NFIA: variants seen among roughly 807,000 people sequenced by gnomAD.
The protein encoded by NFIA is nuclear factor I A, also known as nuclear factor 1 A-type.
Under a neutral mutation model 62.8 loss-of-function variants are expected in NFIA, and 8 were observed. That is an observed-to-expected ratio of 0.13 (90% CI 0.07 to 0.23). NFIA has a LOEUF of 0.23. Among genes scored for constraint, NFIA ranks in the 10% least tolerant of loss-of-function variants. NFIA has a pLI of 1.00. For missense variants in NFIA, 410 were observed against 642.1 expected (o/e 0.64, Z 3.91); for synonymous variants, 235 against 238.1 (o/e 0.99, Z 0.12).
At chr1:61,142,994 C>A (rs147367083) in intron 2 of NFIA, among the ~76,000 whole-genome samples, 1 of 152,174 alleles carries the variant, frequency 6.6e-6, no homozygotes, top group Non-Finnish European at 1.5e-5. Flanking sequence ...CAACTCTCTT[C>A]GTGTCTCCTC....
At chr1:61,349,233 T>C (rs1662417649) in intron 4 of NFIA, among the ~76,000 whole-genome samples, 1 of 152,052 alleles carries the variant, frequency 6.6e-6, no homozygotes. Context: ...GCCTCACCGT[T>C]TTTTTTTAAA....
At chr1:61,320,713 GGAT>G (rs1660637401) in intron 3 of NFIA, among the ~76,000 whole-genome samples, 2 of 152,168 alleles carry the variant, frequency 1.3e-5, no homozygotes, top group South Asian at 4.2e-4. Context: ...TTAGCAAGCA[GGAT>G]TCTCTGTAAA....
intron 4 of NFIA, among the ~76,000 whole-genome samples, chr1:61,332,952 A>G (rs11801720): frequency 0.045 from 6,897 of 152,080 alleles, 536 homozygotes; most frequent in African/African-American, 0.16. Context: ...ATAATCACTA[A>G]CAGTGAATGA....
At chr1:61,133,923 G>A (rs1647127920) in intron 2 of NFIA, among the ~76,000 whole-genome samples, 1 of 152,000 alleles carries the variant, frequency 6.6e-6, no homozygotes, top group Non-Finnish European at 1.5e-5. Context: ...GGTGGATCCA[G>A]ACCAGCCTGG....
At chr1:61,176,950 A>T (rs566774196) in intron 2 of NFIA, among the ~76,000 whole-genome samples, 1 of 151,936 alleles carries the variant, frequency 6.6e-6, no homozygotes. Flanking sequence ...TAAAAGTACA[A>T]AAAAAATTAG....
chr1:61,312,855 A>G (rs1660189028), intron 3 of NFIA, among the ~76,000 whole-genome samples: 1 of 151,978 alleles, frequency 6.6e-6, no homozygotes, highest in African/African-American at 2.4e-5. Flanking sequence ...TCTATTCAGA[A>G]TCTCATTAGA....
intron 2 of NFIA, among the ~76,000 whole-genome samples, chr1:61,175,105 T>C (rs545108818): frequency 1.3e-5 from 2 of 148,278 alleles, no homozygotes; most frequent in East Asian, 4.0e-4. Context: ...TATTCAGCAT[T>C]GACACTTAAA....
chr1:61,357,648 C>T (rs1287795206), intron 5 of NFIA, among the ~76,000 whole-genome samples: 1 of 152,126 alleles, frequency 6.6e-6, no homozygotes, highest in Non-Finnish European at 1.5e-5. Flanking sequence ...GTGGTTCCAT[C>T]ATAACTCCTA....
intron 2 of NFIA, among the ~76,000 whole-genome samples, chr1:61,109,325 A>G (rs529316239): frequency 4.2e-4 from 64 of 152,040 alleles, no homozygotes; most frequent in African/African-American, 1.4e-3. Context: ...CCATCTCTAC[A>G]GATGGCAAAT....
chr1:61,173,631 C>G (rs1352184862), intron 2 of NFIA, among the ~76,000 whole-genome samples: 1 of 152,136 alleles, frequency 6.6e-6, no homozygotes, highest in Non-Finnish European at 1.5e-5. Context: ...CTCAAGTGAT[C>G]CACCTGCCTC....
intron 2 of NFIA, among the ~76,000 whole-genome samples, chr1:61,255,982 T>A (rs1656367107): frequency 6.6e-6 from 1 of 152,210 alleles, no homozygotes; most frequent in Non-Finnish European, 1.5e-5. Flanking sequence ...TTTCTAGCTC[T>A]GTAAATACCT....
At chr1:61,217,421 A>G (rs984951677) in intron 2 of NFIA, among the ~76,000 whole-genome samples, 1 of 152,144 alleles carries the variant, frequency 6.6e-6, no homozygotes, top group Non-Finnish European at 1.5e-5. Flanking sequence ...AATGTACATA[A>G]TTATGCCCAG....
chr1:61,184,174 A>G (rs1011571354), intron 2 of NFIA, among the ~76,000 whole-genome samples: 4 of 151,938 alleles, frequency 2.6e-5, no homozygotes, highest in Admixed American at 6.6e-5. Flanking sequence ...AAAAAACAAA[A>G]AACTTCAGAG....
chr1:61,417,766 G>T (rs974046341), intron 9 of NFIA, among the ~76,000 whole-genome samples: 1 of 152,118 alleles, frequency 6.6e-6, no homozygotes, highest in Non-Finnish European at 1.5e-5. Flanking sequence ...AATGATTTTA[G>T]TGTTTTTCTT....
At chr1:61,077,673 T>A (rs1180566709), upstream of NFIA, 1 of 1,365,950 alleles carries the variant, frequency 7.3e-7, no homozygotes. Context: ...TTATATGATA[T>A]GCGTTTTATA....
chr1:61,233,110 C>T (rs1482944930), intron 2 of NFIA, among the ~76,000 whole-genome samples: 1 of 152,078 alleles, frequency 6.6e-6, no homozygotes, highest in African/African-American at 2.4e-5. Flanking sequence ...TTTTTTCCCC[C>T]TCCCTCCTTG....
rs1230744516 is a variant in NFIA, at chr1:61,145,909, A to T, written c.559+57229A>T. 2.0e-5 allele frequency among the ~76,000 whole-genome samples: 3 copies of T among 152,206 alleles called. No homozygotes were observed. In the East Asian group the frequency reaches 5.8e-4, roughly 29 times the overall value. On this transcript the variant is annotated intron_variant, in intron 2 of 10. Transcript: ENST00000403491. The stretch of plus-strand genomic sequence containing the variant: ...TAATTCAACTCTTCTTTGTATGACT[A>T]CAAGTCCTGTGTTTTAGTTTCCTAT...
chr1:61,084,697 G>C (rs1477155873), intron 1 of NFIA, among the ~76,000 whole-genome samples: 1 of 152,142 alleles, frequency 6.6e-6, no homozygotes, highest in East Asian at 1.9e-4. Context: ...AGATACATTA[G>C]TGTCTTCTCA....
rs146012018 is a variant in NFIA at position 61,406,720 on chromosome 1, G to A, written c.1413G>A (p.Thr471=). The change falls in exon 9 of 11, where the codon ACG becomes ACA. Residue 471 remains threonine (T), a synonymous_variant. Transcript: ENST00000403491. ...CAGAAGGAGGTGCAGCCTCCCCCACGTCACCAAGTAAGTATGGCTGCGACA... is the reference window on the plus strand; with the variant it reads ...CAGAAGGAGGTGCAGCCTCCCCCACATCACCAAGTAAGTATGGCTGCGACA... The part of the protein sequence containing the change: ...TSTEGGAASP[T]SPTYSTPSTS... 340 of 1,607,770 alleles carry A rather than the reference G, an allele frequency of 2.1e-4. 2 individuals carry two copies. In the Middle Eastern group the frequency reaches 0.011, roughly 50 times the overall value.
Sources: allele counts gnomAD v4.1 joint callset (sites outside exome capture counted in the v4.1 genomes callset), GRCh38; gene constraint gnomAD v4.1.1; transcripts MANE v1.5; gene names NCBI Gene and HGNC (gene_info 2026-07-23, HGNC 2026-07-21).